PODXL: variants seen among roughly 807,000 people sequenced by gnomAD.
The protein encoded by PODXL is podocalyxin like.
A neutral mutation model predicts 48.9 loss-of-function variants in PODXL; 20 were observed. The observed-to-expected ratio is 0.41, with a 90% CI of 0.29 to 0.59. The LOEUF (loss-of-function observed/expected upper bound fraction) is 0.59. Ranked by LOEUF, PODXL falls within the 20% of genes least tolerant of loss-of-function variation. The probability of loss-of-function intolerance (pLI) is 0.31; values close to 1 mark genes in which losing one functional copy is unlikely to be tolerated. For synonymous variants in PODXL, 295 were observed against 287.4 expected (o/e 1.03, Z -0.27); for missense variants, 606 against 675.1 (o/e 0.90, Z 1.13).
intron 1 of PODXL, among the ~76,000 whole-genome samples, chr7:131,516,865 G>C (rs1798005618): frequency 6.6e-6 from 1 of 151,334 alleles, no homozygotes; most frequent in African/African-American, 2.4e-5. Flanking sequence ...AAGTAGCTGG[G>C]AGCACAGGTG....
chr7:131,536,662 C>G (rs947220129), intron 1 of PODXL, among the ~76,000 whole-genome samples: 3 of 152,190 alleles, frequency 2.0e-5, no homozygotes, highest in African/African-American at 7.2e-5. Context: ...CGCCCCTCCC[C>G]CTGGGAGGCT....
At position 131,500,350 on chromosome 7, in the gene PODXL, A is replaced by T. The variant is rs1208201254; in HGVS notation, c.*3961T>A. The T allele has an allele frequency of 1.3e-5, 2 of 152,684 alleles. No homozygotes were observed. The highest frequency in any genetic ancestry group is 4.8e-5 in the African/African-American group (2 of 41,466). 9.5% of individuals were successfully genotyped at this position (152,684 alleles called of 1,614,324 possible). ...TAAGAAAATGCAATAATTATTAACT[A>T]TAGTTTTTACAAACAAGTTTCTCAG... is the stretch of plus-strand genomic sequence containing the variant. On this transcript the variant is annotated 3_prime_UTR_variant, in exon 9 of 9. Transcript: ENST00000378555.
chr7:131,515,476 A>G (rs925795997), intron 1 of PODXL, among the ~76,000 whole-genome samples: 11 of 151,984 alleles, frequency 7.2e-5, no homozygotes, highest in Admixed American at 3.9e-4. Flanking sequence ...ATCTCGGCTC[A>G]CTGCAACCTC....
chr7:131,539,803 C>A (rs1798445445), intron 1 of PODXL, among the ~76,000 whole-genome samples: 1 of 152,178 alleles, frequency 6.6e-6, no homozygotes, highest in Non-Finnish European at 1.5e-5. Context: ...ACACTCGGGG[C>A]AGCTCTGAGA....
chr7:131,524,953 A>G (rs117332139), intron 1 of PODXL, among the ~76,000 whole-genome samples: 552 of 152,320 alleles, frequency 3.6e-3, no homozygotes, highest in Middle Eastern at 0.01. Flanking sequence ...ATAAGACTTA[A>G]ATACATTTTG....
At chr7:131,509,956 G>A (rs914439171) in intron 3 of PODXL, among the ~76,000 whole-genome samples, 8 of 152,166 alleles carry the variant, frequency 5.3e-5, no homozygotes, top group Non-Finnish European at 1.0e-4. Flanking sequence ...GCAGGGATTC[G>A]AAGCCAGGAT....
chr7:131,516,146 C>T (rs1279179567), intron 1 of PODXL, among the ~76,000 whole-genome samples: 1 of 152,224 alleles, frequency 6.6e-6, no homozygotes, highest in Non-Finnish European at 1.5e-5. Context: ...AGGTAGTTCT[C>T]ATTGCTTTCT....
intron 1 of PODXL, among the ~76,000 whole-genome samples, chr7:131,519,085 C>T (rs1195232736): frequency 6.6e-6 from 1 of 152,182 alleles, no homozygotes; most frequent in Non-Finnish European, 1.5e-5. Context: ...CTGTTCAGAG[C>T]CTCGCCTCAG....
chr7:131,509,322 C>A (rs770027603), intron 4 of PODXL, 43 bp downstream of exon 4: 6 of 1,467,720 alleles, frequency 4.1e-6, no homozygotes, highest in Non-Finnish European at 5.7e-6. Context: ...CTCTTCTACC[C>A]GAGTCTGGGT....
At chr7:131,546,204 AG>A (rs1314501147) in intron 1 of PODXL, among the ~76,000 whole-genome samples, 1 of 152,104 alleles carries the variant, frequency 6.6e-6, no homozygotes, top group Non-Finnish European at 1.5e-5. Flanking sequence ...GGTGCAAGAG[AG>A]GGGGTAGGCT....
In PODXL at chr7:131,501,801, T is replaced by G. The variant is rs557784542; in HGVS notation, c.*2510A>C. ...ACCCAGTAAAGGTGGCAGAAGATGATGACCTTTATAGATGCATGGCTGTTT... is the reference window on the plus strand; with the variant it reads ...ACCCAGTAAAGGTGGCAGAAGATGAGGACCTTTATAGATGCATGGCTGTTT... On this transcript the variant is annotated 3_prime_UTR_variant, in exon 9 of 9. Coordinates refer to ENST00000378555, the MANE Select transcript of PODXL (RefSeq NM_001018111.3). 5 of 152,394 alleles carry G rather than the reference T, an allele frequency of 3.3e-5. No homozygotes were observed. The highest frequency in any genetic ancestry group is 7.3e-5 in the Non-Finnish European group (5 of 68,056). 9.4% of individuals were successfully genotyped at this position (152,394 alleles called of 1,614,324 possible).
intron 1 of PODXL, among the ~76,000 whole-genome samples, chr7:131,553,390 C>T (rs1798695928): frequency 6.6e-6 from 1 of 152,198 alleles, no homozygotes; most frequent in Admixed American, 6.5e-5. Context: ...TTTTTATTAT[C>T]ATATATCCAC....
chr7:131,522,629 C>A (rs1798109000), intron 1 of PODXL, among the ~76,000 whole-genome samples: 1 of 152,112 alleles, frequency 6.6e-6, no homozygotes, highest in African/African-American at 2.4e-5. Context: ...CTAACTCGTG[C>A]CTTGATTAAC....
At chr7:131,506,382 G>T in intron 6 of PODXL, 61 bp from the exon 7 acceptor site, 1 of 1,558,128 alleles carries the variant, frequency 6.4e-7, no homozygotes, top group Non-Finnish European at 8.9e-7. Flanking sequence ...GGGGGACGGG[G>T]ACTGCGCCCC....
At chr7:131,529,433 C>G (rs1400732551) in intron 1 of PODXL, among the ~76,000 whole-genome samples, 1 of 151,992 alleles carries the variant, frequency 6.6e-6, no homozygotes, top group Non-Finnish European at 1.5e-5. Context: ...ATTTCCAGAC[C>G]TGGGATTGAC....
chr7:131,508,974 T>C lies in PODXL; in HGVS notation c.1078A>G (p.Asn360Asp). 6.2e-7 allele frequency: 1 copy of C among 1,613,896 alleles called. No homozygotes were observed. The highest frequency in any genetic ancestry group is 8.5e-7 in the Non-Finnish European group (1 of 1,179,796). Residue 360 changes from asparagine to aspartate, a missense_variant, in exon 5 of 9, where the codon AAC becomes GAC. By Grantham distance (23) the Asn-to-Asp change is conservative (BLOSUM62 1). Coordinates refer to ENST00000378555, the MANE Select transcript of PODXL (RefSeq NM_001018111.3). ...ACACAGAGGGTGTTTCCTGTGAGGT[T>C]CAGGACGAGCTGCTTCTCACTCTGT... is the stretch of plus-strand genomic sequence containing the variant. ...QTQSEKQLVL[N>D]LTGNTLCAGG...
chr7:131,526,462 TAAGAA>T (rs904864504), intron 1 of PODXL, among the ~76,000 whole-genome samples: 3 of 147,108 alleles, frequency 2.0e-5, no homozygotes, highest in African/African-American at 7.5e-5. Flanking sequence ...CTTCTATACT[TAAGAA>T]AACAACCCAA....
intron 2 of PODXL, among the ~76,000 whole-genome samples, 198 bp downstream of exon 2, chr7:131,510,630 C>T (rs1006876157): frequency 1.3e-5 from 2 of 152,094 alleles, no homozygotes; most frequent in Admixed American, 1.3e-4. Flanking sequence ...TGCCACCATA[C>T]CCAGCTAATG....
chr7:131,506,368 C>T (rs1277782955), intron 6 of PODXL, 47 bp from the exon 7 acceptor site: 2 of 1,598,538 alleles, frequency 1.3e-6, no homozygotes, highest in Admixed American at 1.7e-5. Context: ...CAGAGCGAGG[C>T]AGTGGGGGAC....
Sources: allele counts gnomAD v4.1 joint callset (sites outside exome capture counted in the v4.1 genomes callset), GRCh38; gene constraint gnomAD v4.1.1; transcripts MANE v1.5; gene names NCBI Gene and HGNC (gene_info 2026-07-23, HGNC 2026-07-21).